Variants in NFATC1 observed in about 807,000 individuals in gnomAD.
NFATC1 encodes nuclear factor of activated T-cells, cytoplasmic 1.
NFATC1 carries 22 observed loss-of-function variants against 76.0 expected under a neutral mutation model. That is an observed-to-expected ratio of 0.29 (90% CI 0.21 to 0.41). NFATC1 has a LOEUF of 0.41. NFATC1 is among the 10% of genes least tolerant of loss of function. NFATC1 has a pLI of 1.00. For synonymous variants in NFATC1, 704 were observed against 613.1 expected (o/e 1.15, Z -2.19); for missense variants, 1,357 against 1,337.7 (o/e 1.01, Z -0.23).
intron 8 of NFATC1, among the ~76,000 whole-genome samples, chr18:79,474,217 G>A (rs2088931587): frequency 7.7e-5 from 1 of 12,940 alleles, no homozygotes; most frequent in African/African-American, 2.4e-4. Context: ...CATGCTCACT[G>A]TCGACGTAAA....
intron 9 of NFATC1, among the ~76,000 whole-genome samples, chr18:79,526,511 G>T (rs2090768886): frequency 6.6e-6 from 1 of 152,166 alleles, no homozygotes. Context: ...TGCTGGCGGG[G>T]CCGGGCATGT....
At chr18:79,514,816 C>G (rs908628168) in intron 9 of NFATC1, among the ~76,000 whole-genome samples, 11 of 151,276 alleles carry the variant, frequency 7.3e-5, no homozygotes, top group Non-Finnish European at 1.5e-4. Flanking sequence ...GAGGCTGAGG[C>G]AAGAGGATCA....
At chr18:79,508,639 C>T (rs374968188) in intron 9 of NFATC1, among the ~76,000 whole-genome samples, 4 of 151,986 alleles carry the variant, frequency 2.6e-5, no homozygotes, top group Admixed American at 6.6e-5. Flanking sequence ...CTCTGTCTCT[C>T]GGTCTGTCTC....
At chr18:79,431,734 G>A (rs377543033) in intron 2 of NFATC1, among the ~76,000 whole-genome samples, 248 of 151,804 alleles carry the variant, frequency 1.6e-3, no homozygotes, top group African/African-American at 5.6e-3. Flanking sequence ...ATGGAGTCTC[G>A]CTCTGTCGCC....
intron 9 of NFATC1, chr18:79,498,070 G>GT (rs1025556608): frequency 4.6e-5 from 7 of 151,160 alleles, no homozygotes; most frequent in African/African-American, 1.7e-4. Context: ...GGGGGATGGG[G>GT]GGGGGGGAAT....
chr18:79,488,086 C>T (rs1382269857), intron 9 of NFATC1, among the ~76,000 whole-genome samples: 2 of 152,102 alleles, frequency 1.3e-5, no homozygotes, highest in Admixed American at 1.3e-4. Flanking sequence ...CCAGGGGGGG[C>T]AGGGACTCCC....
chr18:79,475,183 G>A (rs2089007745), intron 8 of NFATC1, among the ~76,000 whole-genome samples: 1 of 145,898 alleles, frequency 6.9e-6, no homozygotes, highest in African/African-American at 2.7e-5. Context: ...GTAAACCTGA[G>A]GGAAGCGTGT....
At chr18:79,458,481 G>A (rs896559813) in intron 6 of NFATC1, among the ~76,000 whole-genome samples, 4 of 152,074 alleles carry the variant, frequency 2.6e-5, no homozygotes, top group East Asian at 1.9e-4. Flanking sequence ...GCCCGGCTCC[G>A]GGCGGCGGGT....
chr18:79,486,654 C>T lies in NFATC1; in HGVS notation c.2499C>T (p.Ser833=). ...PQQVSAPPSS[S]CPPGLEHSLC... ...AGGTGAGTGCGCCTCCAAGCAGTAG[C>T]TGCCCCCCTGGTCTCGAACACTCGC... Residue 833 remains serine, a synonymous_variant, in exon 9 of 10, where the codon AGC becomes AGT. Transcript: ENST00000427363. 1.2e-6 allele frequency: 2 copies of T among 1,603,752 alleles called. No homozygotes were observed. The highest frequency in any genetic ancestry group is 1.3e-5 in the African/African-American group (1 of 74,906).
chr18:79,461,214 C>T, intron 6 of NFATC1, 97 bp from the exon 7 acceptor site: 1 of 1,453,220 alleles, frequency 6.9e-7, no homozygotes, highest in Non-Finnish European at 9.6e-7. Flanking sequence ...AGGCGCCCTC[C>T]TGGCTCAGGG....
At chr18:79,454,901 C>T (rs1339090602) in intron 6 of NFATC1, among the ~76,000 whole-genome samples, 3 of 152,276 alleles carry the variant, frequency 2.0e-5, no homozygotes, top group Non-Finnish European at 2.9e-5. Flanking sequence ...CACCTGCACC[C>T]CTCCCGCCTG....
rs1299327679 is a variant in NFATC1 at position 79,486,529 on chromosome 18, C to A, written c.2374C>A (p.Gln792Lys). Residue 792 changes from glutamine to lysine, a missense_variant, in exon 9 of 10, where the codon CAG becomes AAG. Physicochemically the swap from Gln to Lys is moderately conservative, Grantham distance 53 (BLOSUM62 1). Transcript: ENST00000427363. ...GGGCCACTGTCACCTCGGACTCCCGCAGCCGGCCGGAGAGGCCCCCGCCGT... is the reference window on the plus strand; with the variant it reads ...GGGCCACTGTCACCTCGGACTCCCGAAGCCGGCCGGAGAGGCCCCCGCCGT... ...SPGHCHLGLP[Q>K]PAGEAPAVQD... 6.3e-7 allele frequency: 1 copy of A among 1,599,226 alleles called. No individual in the cohort carries two copies. Among genetic ancestry groups the A allele is most frequent in the Admixed American group, 1.7e-5 (1 of 59,460 alleles).
chr18:79,450,377 G>C (rs1407437501), intron 4 of NFATC1, among the ~76,000 whole-genome samples: 1 of 149,092 alleles, frequency 6.7e-6, no homozygotes, highest in Non-Finnish European at 1.5e-5. Flanking sequence ...GGAAATAATA[G>C]AATAATTTAT....
At chr18:79,460,163 C>T (rs1217747019) in intron 6 of NFATC1, among the ~76,000 whole-genome samples, 1 of 152,226 alleles carries the variant, frequency 6.6e-6, no homozygotes, top group Non-Finnish European at 1.5e-5. Context: ...GTGTGACTCA[C>T]ATTTCCTCTC....
At chr18:79,434,727 C>T (rs1009760390) in intron 3 of NFATC1, among the ~76,000 whole-genome samples, 1 of 152,252 alleles carries the variant, frequency 6.6e-6, no homozygotes, top group African/African-American at 2.4e-5. Context: ...TTTTTATTTT[C>T]TTCCATTTAG....
chr18:79,493,104 G>A (rs1381857196), intron 9 of NFATC1, among the ~76,000 whole-genome samples: 2 of 152,116 alleles, frequency 1.3e-5, no homozygotes, highest in African/African-American at 2.4e-5. Context: ...GTGGTTTTCT[G>A]TATCTTGCAT....
At chr18:79,437,118 C>T (rs929331287) in intron 3 of NFATC1, among the ~76,000 whole-genome samples, 9 of 152,222 alleles carry the variant, frequency 5.9e-5, no homozygotes, top group African/African-American at 1.7e-4. Flanking sequence ...CCCTGGTGGA[C>T]GTGGTCCCTG....
chr18:79,471,598 G>A (rs776305904), intron 8 of NFATC1, among the ~76,000 whole-genome samples: 9 of 152,192 alleles, frequency 5.9e-5, no homozygotes, highest in African/African-American at 1.4e-4. Flanking sequence ...AGCTGCTCCC[G>A]GCCCTAGGTC....
chr18:79,464,672 ATATG>A (rs1202166270), intron 7 of NFATC1, among the ~76,000 whole-genome samples: 1 of 104,144 alleles, frequency 9.6e-6, no homozygotes, highest in Non-Finnish European at 2.1e-5. Context: ...GTGTGTGTGT[ATATG>A]TATGTGTATA....
Sources: gnomAD v4.1 joint callset for allele counts (sites outside exome capture counted in the v4.1 genomes callset) on GRCh38, gnomAD v4.1.1 for gene constraint, MANE v1.5 for transcripts, NCBI Gene and HGNC (gene_info 2026-07-23, HGNC 2026-07-21) for gene names.